Variants in DNMT1 observed in about 807,000 individuals in gnomAD.
DNMT1 encodes the protein DNA (cytosine-5)-methyltransferase 1.
Under a neutral mutation model 205.3 loss-of-function variants are expected in DNMT1, and 24 were observed. The observed-to-expected ratio is 0.12, with a 90% CI of 0.08 to 0.16. The LOEUF (loss-of-function observed/expected upper bound fraction) is 0.16. DNMT1 is among the 10% of genes least tolerant of loss of function. The pLI is 1.00. For missense variants in DNMT1, 1,293 were observed against 2,177.7 expected (o/e 0.59, Z 8.09); for synonymous variants, 817 against 839.8 (o/e 0.97, Z 0.47).
chr19:10,156,515 C>T lies in DNMT1; in HGVS notation c.1281-6G>A, dbSNP rs768923716. 6.2e-7 allele frequency: 1 copy of T among 1,609,162 alleles called. No homozygotes were observed. Among genetic ancestry groups the T allele is most frequent in the Non-Finnish European group, 8.5e-7 (1 of 1,176,008 alleles). ...GACCGTGCTTACAGTACACACTAGA[C>T]AGGAAACAAAGCACATGCTTACCAG... On this transcript the variant is annotated splice_region_variant and splice_polypyrimidine_tract_variant and intron_variant, in intron 17 of 40. Coordinates refer to ENST00000359526, the MANE Select transcript of DNMT1 (RefSeq NM_001130823.3). This position sits in a 1 kb window ranked among gnomAD's most constrained non-coding sequence, Gnocchi z 4.2.
intron 28 of DNMT1, 67 bp from the exon 29 acceptor site, chr19:10,144,054 G>T: frequency 2.0e-6 from 3 of 1,495,328 alleles, no homozygotes; most frequent in South Asian, 2.3e-5. Flanking sequence ...AGGCATGACT[G>T]ACCAGTGAAA....
intron 1 of DNMT1, among the ~76,000 whole-genome samples, chr19:10,190,743 C>T (rs1037096842): frequency 8.7e-5 from 13 of 149,988 alleles, no homozygotes; most frequent in South Asian, 4.2e-4. Context: ...CCAGCCTGGG[C>T]GACAGCACAA....
intron 11 of DNMT1, among the ~76,000 whole-genome samples, chr19:10,165,438 G>C (rs1397843645): frequency 6.6e-6 from 1 of 152,162 alleles, no homozygotes; most frequent in Non-Finnish European, 1.5e-5. Flanking sequence ...TGTTGCCCAG[G>C]CTGGAGTGCA....
chr19:10,148,734 G>A, intron 27 of DNMT1, 150 bp downstream of exon 27: 1 of 1,359,874 alleles, frequency 7.4e-7, no homozygotes, highest in Non-Finnish European at 1.0e-6. Flanking sequence ...ACACACTTGA[G>A]CATCATTCAT....
intron 6 of DNMT1, among the ~76,000 whole-genome samples, chr19:10,176,519 A>G (rs2038941876): frequency 6.6e-6 from 1 of 152,230 alleles, no homozygotes; most frequent in African/African-American, 2.4e-5. Flanking sequence ...GAATTCTTAC[A>G]TTTTTATAAA....
intron 7 of DNMT1, among the ~76,000 whole-genome samples, chr19:10,174,809 G>A (rs993616100): frequency 2.7e-4 from 41 of 151,804 alleles, no homozygotes; most frequent in African/African-American, 9.2e-4. Flanking sequence ...GAGGCGGGCA[G>A]ATTGCCTAAG....
intron 39 of DNMT1, 28 bp from the exon 40 acceptor site, chr19:10,134,335 G>A (rs754591202): frequency 1.2e-6 from 2 of 1,609,432 alleles, no homozygotes; most frequent in South Asian, 2.2e-5. Context: ...GGCAATGCCT[G>A]ATGTGGACAC....
At chr19:10,170,220 G>C (rs1321585208) in intron 9 of DNMT1, among the ~76,000 whole-genome samples, 1 of 152,012 alleles carries the variant, frequency 6.6e-6, no homozygotes, top group African/African-American at 2.4e-5. Flanking sequence ...AGGGGGTGGA[G>C]GTTGTAGTGA....
At chr19:10,157,599 G>A (rs1342504961) in intron 17 of DNMT1, among the ~76,000 whole-genome samples, 1 of 152,302 alleles carries the variant, frequency 6.6e-6, no homozygotes, top group East Asian at 1.9e-4. Flanking sequence ...TATGAAGTCT[G>A]CACAGGTCTC....
chr19:10,160,342 C>T (rs755664280), intron 14 of DNMT1, 42 bp downstream of exon 14: 31 of 1,613,508 alleles, frequency 1.9e-5, no homozygotes, highest in Admixed American at 3.3e-5. Flanking sequence ...ATCATTTTAA[C>T]ATTACCATCT....
chr19:10,173,523 G>T (rs2038869675), intron 8 of DNMT1, among the ~76,000 whole-genome samples: 2 of 142,830 alleles, frequency 1.4e-5, no homozygotes, highest in Non-Finnish European at 3.0e-5. Context: ...ATGGAGTCTT[G>T]CTCTGTCACT....
chr19:10,188,231 C>T (rs1472275326), intron 1 of DNMT1, among the ~76,000 whole-genome samples: 2 of 152,138 alleles, frequency 1.3e-5, no homozygotes, highest in African/African-American at 2.4e-5. Context: ...CCCAAGAAGG[C>T]ATCCGCAGTA....
intron 1 of DNMT1, among the ~76,000 whole-genome samples, chr19:10,192,336 C>CT (rs2039319447): frequency 1.3e-5 from 2 of 152,044 alleles, no homozygotes; most frequent in Non-Finnish European, 2.9e-5. Flanking sequence ...GCATGTGAAC[C>CT]TTTATGTGCC....
intron 17 of DNMT1, among the ~76,000 whole-genome samples, chr19:10,157,443 A>G (rs1005256395): frequency 2.6e-5 from 4 of 152,144 alleles, no homozygotes; most frequent in Admixed American, 1.3e-4. Flanking sequence ...GACATTCGGG[A>G]GCACGTTCTT....
intron 9 of DNMT1, among the ~76,000 whole-genome samples, chr19:10,172,684 G>A (rs539765848): frequency 3.2e-4 from 48 of 151,744 alleles, no homozygotes; most frequent in African/African-American, 1.0e-3. Flanking sequence ...GTATGGCGGC[G>A]GGCGCCTGTA....
Position 10,154,324 on chromosome 19 carries a change from G to T in DNMT1, c.1988C>A (p.Ala663Asp). ...GACGCCACATCGCCGGCGCTTAAAG[G>T]CGTTCTCCTTGTCTTCTCTGTCATC... is the stretch of plus-strand genomic sequence containing the variant. Reference protein sequence around the residue: ...EKDDREDKENAFKRRRCGVCE... With the variant: ...EKDDREDKENDFKRRRCGVCE... The change falls in exon 22 of 41, where the codon GCC becomes GAC. Residue 663 changes from alanine (A) to aspartate (D), a missense_variant. By Grantham distance (126) the Ala-to-Asp change is moderately radical. Transcript: ENST00000359526. The surrounding 1 kb of genome is among the most constrained non-coding windows in gnomAD (Gnocchi z 6.3). 5 of 1,614,230 alleles carry T rather than the reference G, an allele frequency of 3.1e-6. No individual in the cohort carries two copies. The highest frequency in any genetic ancestry group is 4.2e-6 in the Non-Finnish European group (5 of 1,180,044).
chr19:10,180,619 A>G (rs575847230), intron 3 of DNMT1, 50 bp from the exon 4 acceptor site: 24 of 1,584,644 alleles, frequency 1.5e-5, no homozygotes. Context: ...AACAAGTGTC[A>G]GAGAACAAGG....
Position 10,133,701 on chromosome 19 carries a change from G to A in DNMT1, c.4865C>T (p.Ala1622Val). The part of the protein sequence containing the change: ...MLAKARESAS[A>V]KIKEEEAAKD ...AGCAGCTTCCTCCTCCTTTATTTTA[G>A]CTGAAGGGAAATAAAAGGAAAAGTC... Residue 1622 changes from alanine to valine, a missense_variant and splice_region_variant, in exon 41 of 41, where the codon GCT becomes GTT. By Grantham distance (64) the Ala-to-Val change is moderately conservative. Transcript: ENST00000359526. The surrounding 1 kb of genome is among the most constrained non-coding windows in gnomAD (Gnocchi z 4.1). 4 of 1,591,488 alleles carry A rather than the reference G, an allele frequency of 2.5e-6. No individual in the cohort carries two copies. Among genetic ancestry groups the A allele is most frequent in the Non-Finnish European group, 3.4e-6 (4 of 1,167,810 alleles).
chr19:10,162,797 C>T, intron 12 of DNMT1, 49 bp from the exon 13 acceptor site: 1 of 1,595,000 alleles, frequency 6.3e-7, no homozygotes. Flanking sequence ...AAACACTAAC[C>T]ACATCGCCAA....
Sources: gnomAD v4.1 joint callset for allele counts (sites outside exome capture counted in the v4.1 genomes callset) on GRCh38, gnomAD v4.1.1 for gene constraint, Gnocchi (gnomAD v3.1) non-coding constraint, MANE v1.5 for transcripts, NCBI Gene and HGNC (gene_info 2026-07-23, HGNC 2026-07-21) for gene names.